NT5C3B: variants seen among roughly 807,000 people sequenced by gnomAD.
The protein encoded by NT5C3B is 7-methylguanosine phosphate-specific 5'-nucleotidase.
Under a neutral mutation model 32.5 loss-of-function variants are expected in NT5C3B, and 28 were observed. The observed-to-expected ratio is 0.86, with a 90% CI of 0.64 to 1.18. The LOEUF (loss-of-function observed/expected upper bound fraction) is 1.18, where lower values mean the gene tolerates loss of function less well. NT5C3B is among the 50% of genes most tolerant of loss of function. The pLI, the probability that NT5C3B is intolerant of heterozygous loss-of-function variation, is 0.00. For missense variants in NT5C3B, 317 were observed against 322.0 expected (o/e 0.98, Z 0.12); for synonymous variants, 138 against 118.0 (o/e 1.17, Z -1.10).
chr17:41,827,423 C>T lies in NT5C3B; in HGVS notation c.768+3G>A. 2 of 872,330 alleles carry T rather than the reference C, an allele frequency of 2.3e-6. No individual in the cohort carries two copies. Among genetic ancestry groups the T allele is most frequent in the Non-Finnish European group, 4.0e-6 (2 of 501,630 alleles). 54.0% of individuals were successfully genotyped at this position (872,330 alleles called of 1,614,324 possible). On this transcript the variant is annotated splice_donor_region_variant and intron_variant, in intron 8 of 8. Coordinates refer to ENST00000435506, the MANE Select transcript of NT5C3B (RefSeq NM_052935.5). ...AGAGAAGCAGCCCTGGTCCTCTACC[C>T]ACCTTGTCATTCAGGAAGCCAATTT...
chr17:41,830,417 G>A (rs1457417728), intron 6 of NT5C3B, among the ~76,000 whole-genome samples: 2 of 152,194 alleles, frequency 1.3e-5, no homozygotes, highest in Admixed American at 6.5e-5. Context: ...GCTGAGGCAG[G>A]AGAATCGCTT....
chr17:41,834,170 C>A (rs368331272), intron 4 of NT5C3B, among the ~76,000 whole-genome samples: 1 of 151,768 alleles, frequency 6.6e-6, no homozygotes, highest in African/African-American at 2.4e-5. Context: ...CCAAGGCGGG[C>A]GGATCACCTG....
intron 8 of NT5C3B, 48 bp downstream of exon 8, chr17:41,827,378 C>T (rs2047984471): frequency 2.4e-6 from 2 of 830,232 alleles, no homozygotes; most frequent in Admixed American, 1.8e-5. Flanking sequence ...AATGGGCATT[C>T]AAAGAGAAGA....
At position 41,835,962 on chromosome 17, in the gene NT5C3B, C is replaced by T. The variant is rs2048147528; in HGVS notation, c.13-5G>A. ...GGCCTTCATCAGGGTGCTCACCTGTCCCGAGACCCGAGAGAACCACTGACC... is the reference window on the plus strand; with the variant it reads ...GGCCTTCATCAGGGTGCTCACCTGTTCCGAGACCCGAGAGAACCACTGACC... On this transcript the variant is annotated splice_polypyrimidine_tract_variant and splice_region_variant and intron_variant, in intron 1 of 8. Transcript: ENST00000435506. 16 of 1,572,514 alleles carry T rather than the reference C, an allele frequency of 1.0e-5. No homozygotes were observed. Among genetic ancestry groups the T allele is most frequent in the Non-Finnish European group, 1.2e-5 (14 of 1,159,120 alleles).
At chr17:41,831,798 G>C (rs549548357) in intron 5 of NT5C3B, among the ~76,000 whole-genome samples, 1 of 152,300 alleles carries the variant, frequency 6.6e-6, no homozygotes, top group South Asian at 2.1e-4. Flanking sequence ...GCTCATGCCT[G>C]TAACCCCAAG....
chr17:41,830,699 C>G, intron 6 of NT5C3B, 102 bp downstream of exon 6: 1 of 819,608 alleles, frequency 1.2e-6, no homozygotes, highest in Non-Finnish European at 2.1e-6. Flanking sequence ...CCTTCCGGTC[C>G]TTTAAGCAAC....
At chr17:41,828,755 T>A in intron 7 of NT5C3B, 35 bp downstream of exon 7, 1 of 1,586,324 alleles carries the variant, frequency 6.3e-7, no homozygotes, top group Non-Finnish European at 8.6e-7. Flanking sequence ...TCCCCACCCC[T>A]CGTCCTTTCC....
chr17:41,826,967 T>C (rs1472954188), intron 8 of NT5C3B, among the ~76,000 whole-genome samples: 1 of 146,630 alleles, frequency 6.8e-6, no homozygotes, highest in East Asian at 2.0e-4. Context: ...GCCACTGCAC[T>C]GTAGCCTGCG....
chr17:41,827,354 CAAAGGCATTTGTT>C, intron 8 of NT5C3B, 59 bp downstream of exon 8: 1 of 737,756 alleles, frequency 1.4e-6, no homozygotes, highest in African/African-American at 1.8e-5. Context: ...AGAATGTGTT[CAAAGGCATTTGTT>C]AATGGGCATT....
intron 7 of NT5C3B, 65 bp from the exon 8 acceptor site, chr17:41,827,691 C>A: frequency 1.3e-6 from 1 of 754,346 alleles, no homozygotes; most frequent in Non-Finnish European, 2.4e-6. Context: ...CAGCTCTCCA[C>A]TGTCTCTGTC....
chr17:41,834,164 G>A (rs1294028784), intron 4 of NT5C3B, among the ~76,000 whole-genome samples: 5 of 152,030 alleles, frequency 3.3e-5, no homozygotes, highest in African/African-American at 7.2e-5. Flanking sequence ...GGGAGGCCAA[G>A]GCGGGCGGAT....
At chr17:41,830,980 C>T (rs1238275097) in intron 5 of NT5C3B, 90 bp from the exon 6 acceptor site, 3 of 845,140 alleles carry the variant, frequency 3.5e-6, no homozygotes, top group Non-Finnish European at 6.0e-6. Flanking sequence ...TACCCTCTGA[C>T]AGCATTGCCG....
At chr17:41,832,047 C>G (rs947279156) in intron 5 of NT5C3B, among the ~76,000 whole-genome samples, 9 of 152,150 alleles carry the variant, frequency 5.9e-5, no homozygotes, top group Non-Finnish European at 1.2e-4. Flanking sequence ...CAGAGCAAGA[C>G]TCTGTCTCAA....
At chr17:41,832,832 C>T in intron 4 of NT5C3B, 1 of 166,826 alleles carries the variant, frequency 6.0e-6, no homozygotes, top group Non-Finnish European at 1.3e-5. Context: ...GAGATCACAC[C>T]ACTGCACTCC....
chr17:41,828,959 A>C lies in NT5C3B; in HGVS notation c.405-7T>G. 6.2e-7 allele frequency: 1 copy of C among 1,602,846 alleles called. No homozygotes were observed. The highest frequency in any genetic ancestry group is 8.5e-7 in the Non-Finnish European group (1 of 1,171,722). ...GAAGGTCTTATATCCCTCCCTGAAA[A>C]GAGATGGAGGAATTCTGAAATGGCA... On this transcript the variant is annotated splice_polypyrimidine_tract_variant and splice_region_variant and intron_variant, in intron 6 of 8. Transcript: ENST00000435506.
chr17:41,832,115 C>T (rs1242365453), intron 5 of NT5C3B, among the ~76,000 whole-genome samples: 3 of 152,164 alleles, frequency 2.0e-5, no homozygotes, highest in African/African-American at 7.2e-5. Flanking sequence ...CAGCACAAAA[C>T]AGACTAAAAG....
chr17:41,836,053 G>T (rs893507427), intron 1 of NT5C3B, 96 bp from the exon 2 acceptor site: 48 of 1,405,540 alleles, frequency 3.4e-5, no homozygotes, highest in Non-Finnish European at 4.3e-5. Flanking sequence ...GGCGGGGCCG[G>T]GGTGCGCGAG....
At position 41,835,078 on chromosome 17, in the gene NT5C3B, G is replaced by C; in HGVS notation, c.220C>G (p.Arg74Gly). The C allele has an allele frequency of 6.2e-7, 1 of 1,614,042 alleles. No individual in the cohort carries two copies. The highest frequency in any genetic ancestry group is 8.5e-7 in the Non-Finnish European group (1 of 1,179,950). ...GGACGGGAGCAACCCACCTCTTTCC[G>C]ACACTCCTCACTGATGATCTTGCTA... The part of the protein sequence containing the change: ...DNSKIISEEC[R>G]KELTALLHHY... The change falls in exon 4 of 9, where the codon CGG becomes GGG. Residue 74 changes from arginine to glycine, a missense_variant. Arg to Gly is a moderately radical substitution (Grantham distance 125). Coordinates refer to ENST00000435506, the MANE Select transcript of NT5C3B (RefSeq NM_052935.5).
At chr17:41,832,296 G>A in intron 5 of NT5C3B, 96 bp downstream of exon 5, 1 of 994,826 alleles carries the variant, frequency 1.0e-6, no homozygotes, top group South Asian at 1.4e-5. Flanking sequence ...TGAAGTAAGG[G>A]AGCCTGTCAT....
Sources: allele counts gnomAD v4.1 joint callset (sites outside exome capture counted in the v4.1 genomes callset), GRCh38; gene constraint gnomAD v4.1.1; transcripts MANE v1.5; gene names NCBI Gene and HGNC (gene_info 2026-07-23, HGNC 2026-07-21).